The following MBNL2 variants were observed in gnomAD, a reference collection of about 807,000 sequenced individuals.
The protein encoded by MBNL2 is muscleblind like splicing regulator 2.
MBNL2 carries 17 observed loss-of-function variants against 41.9 expected under a neutral mutation model. That is an observed-to-expected ratio of 0.41 (90% confidence interval 0.28 to 0.61). MBNL2 has a LOEUF of 0.61. Ranked by LOEUF, MBNL2 falls within the 20% of genes least tolerant of loss-of-function variation. The pLI is 0.35. For synonymous variants in MBNL2, 195 were observed against 182.9 expected (o/e 1.07, Z -0.53); for missense variants, 336 against 505.6 (o/e 0.66, Z 3.22).
intron 5 of MBNL2, among the ~76,000 whole-genome samples, chr13:97,347,272 T>A (rs2061971150): frequency 6.6e-6 from 1 of 152,104 alleles, no homozygotes; most frequent in African/African-American, 2.4e-5. Context: ...AATAAGTAAA[T>A]CCCTCAGGTG....
the MBNL2 span, among the ~76,000 whole-genome samples, chr13:97,150,317 C>T: frequency 4.6e-5 from 7 of 152,222 alleles, no homozygotes; most frequent in Admixed American, 4.6e-4. Context: ...ATGGTATGAC[C>T]CTTGAGGCTA....
At chr13:97,174,234 A>AT in the MBNL2 span, among the ~76,000 whole-genome samples, 1 of 152,158 alleles carries the variant, frequency 6.6e-6, no homozygotes, top group Non-Finnish European at 1.5e-5. Flanking sequence ...AAGACAGGGC[A>AT]TTCAGGAGGG....
chr13:97,259,192 A>G (rs946242712), intron 1 of MBNL2, among the ~76,000 whole-genome samples: 3 of 152,128 alleles, frequency 2.0e-5, no homozygotes, highest in African/African-American at 7.2e-5. Flanking sequence ...GGACCGCAGT[A>G]TCTCCCACCA....
chr13:97,373,812 G>T (rs1015542328), intron 8 of MBNL2, among the ~76,000 whole-genome samples: 1 of 151,948 alleles, frequency 6.6e-6, no homozygotes, highest in Non-Finnish European at 1.5e-5. Context: ...ATTAATAAAT[G>T]CATCTGCAGA....
the MBNL2 span, among the ~76,000 whole-genome samples, chr13:97,203,870 GTGAATGGA>G: frequency 7.4e-6 from 1 of 134,972 alleles, no homozygotes; most frequent in Admixed American, 8.0e-5. Flanking sequence ...TGAATGATAA[GTGAATGGA>G]TGGATGGATG....
At chr13:97,315,584 T>C (rs559998290) in intron 2 of MBNL2, among the ~76,000 whole-genome samples, 59 of 152,206 alleles carry the variant, frequency 3.9e-4, no homozygotes, top group Non-Finnish European at 5.4e-4. Context: ...TCAAGGAAGC[T>C]TGGAAGTGGT....
the MBNL2 span, among the ~76,000 whole-genome samples, chr13:97,203,332 T>A: frequency 5.9e-5 from 9 of 152,126 alleles, no homozygotes; most frequent in East Asian, 1.5e-3. Flanking sequence ...CAAATACAAA[T>A]GGATCAATAA....
chr13:97,176,001 C>A, the MBNL2 span, among the ~76,000 whole-genome samples: 4 of 152,150 alleles, frequency 2.6e-5, no homozygotes, highest in Admixed American at 6.5e-5. Context: ...CTCAGAAACC[C>A]CTGAGGTGGC....
the MBNL2 span, among the ~76,000 whole-genome samples, chr13:97,150,613 C>T: frequency 1.3e-5 from 2 of 152,198 alleles, no homozygotes; most frequent in Non-Finnish European, 2.9e-5. Context: ...ATGCGGTTCT[C>T]ACCTGCCCTC....
At chr13:97,287,833 C>T (rs2054864323) in intron 2 of MBNL2, among the ~76,000 whole-genome samples, 2 of 147,312 alleles carry the variant, frequency 1.4e-5, no homozygotes, top group South Asian at 4.3e-4. Context: ...TCAAGTGATT[C>T]TCCTGCGTTC....
At chr13:97,222,775 T>A (rs920722974) in intron 1 of MBNL2, among the ~76,000 whole-genome samples, 7 of 152,216 alleles carry the variant, frequency 4.6e-5, no homozygotes, top group Admixed American at 3.9e-4. Flanking sequence ...AATCGATTCA[T>A]TTATTATATT....
chr13:97,348,170 G>A (rs889375919), intron 5 of MBNL2, among the ~76,000 whole-genome samples: 1 of 150,122 alleles, frequency 6.7e-6, no homozygotes, highest in African/African-American at 2.5e-5. Flanking sequence ...AAACTCCTGG[G>A]CTCAAGTGAT....
At chr13:97,262,921 G>A (rs948957497) in intron 1 of MBNL2, among the ~76,000 whole-genome samples, 62 of 151,928 alleles carry the variant, frequency 4.1e-4, no homozygotes, top group African/African-American at 1.4e-3. Context: ...GCATCACCAC[G>A]CCAAGCTAAT....
At chr13:97,216,146 C>T in the MBNL2 span, among the ~76,000 whole-genome samples, 3 of 152,114 alleles carry the variant, frequency 2.0e-5, no homozygotes, top group South Asian at 6.2e-4. Context: ...CAGGAAAAAA[C>T]ACCATAACTT....
chr13:97,302,158 T>C (rs891937167), intron 2 of MBNL2, among the ~76,000 whole-genome samples: 4 of 152,168 alleles, frequency 2.6e-5, no homozygotes, highest in Non-Finnish European at 5.9e-5. Context: ...AACAAAACTA[T>C]CTTCCTAAGC....
At chr13:97,158,646 G>A in the MBNL2 span, among the ~76,000 whole-genome samples, 67 of 151,578 alleles carry the variant, frequency 4.4e-4, no homozygotes, top group East Asian at 7.2e-3. Flanking sequence ...CCTTCATTTC[G>A]TTATGTACCC....
At chr13:97,385,514 G>T (rs1034625430) in intron 8 of MBNL2, among the ~76,000 whole-genome samples, 1 of 152,042 alleles carries the variant, frequency 6.6e-6, no homozygotes, top group African/African-American at 2.4e-5. Context: ...GGAAATTCTT[G>T]GCATTTTCAC....
intron 8 of MBNL2, among the ~76,000 whole-genome samples, chr13:97,386,865 T>C (rs933440651): frequency 6.6e-6 from 1 of 152,028 alleles, no homozygotes; most frequent in Admixed American, 6.6e-5. Flanking sequence ...GCAGACTCCA[T>C]TGTAGCCAGC....
the MBNL2 span, among the ~76,000 whole-genome samples, chr13:97,161,468 A>T: frequency 2.0e-5 from 3 of 152,202 alleles, no homozygotes; most frequent in African/African-American, 7.2e-5. Flanking sequence ...TATTCTAGTG[A>T]CTTTTACTGT....
Sources: gnomAD v4.1 joint callset for allele counts (sites outside exome capture counted in the v4.1 genomes callset) on GRCh38, gnomAD v4.1.1 for gene constraint, MANE v1.5 for transcripts, NCBI Gene and HGNC (gene_info 2026-07-23, HGNC 2026-07-21) for gene names.